Variants in EPHX2 observed in about 807,000 individuals in gnomAD.
EPHX2 encodes epoxide hydrolase 2.
In EPHX2, 74 loss-of-function variants were observed where a neutral mutation model predicts 78.7. The observed-to-expected ratio is 0.94, with a 90% CI of 0.78 to 1.14. The LOEUF (loss-of-function observed/expected upper bound fraction) is 1.14, where lower values mean the gene tolerates loss of function less well. Among genes scored for constraint, EPHX2 ranks in the 50% most tolerant of loss-of-function variants. EPHX2 has a pLI of 0.00. For missense variants in EPHX2, 715 were observed against 702.5 expected (o/e 1.02, Z -0.20); for synonymous variants, 251 against 255.2 (o/e 0.98, Z 0.16).
At chr8:27,525,107 T>TGTGTGTGTGCGCGCGCGC (rs1491544464) in intron 11 of EPHX2, among the ~76,000 whole-genome samples, 1 of 103,456 alleles carries the variant, frequency 9.7e-6, no homozygotes, top group African/African-American at 3.6e-5. Flanking sequence ...TGTGTGTGTG[T>TGTGTGTGTGCGCGCGCGC]GCGCGCGCGC....
intron 12 of EPHX2, among the ~76,000 whole-genome samples, chr8:27,533,804 G>C (rs554179091): frequency 1.1e-4 from 16 of 152,140 alleles, no homozygotes; most frequent in African/African-American, 3.4e-4. Context: ...TGTTCAGGCT[G>C]GTCTTGAACT....
intron 1 of EPHX2, among the ~76,000 whole-genome samples, chr8:27,494,077 G>A (rs1238477703): frequency 6.6e-6 from 1 of 152,188 alleles, no homozygotes; most frequent in Non-Finnish European, 1.5e-5. Context: ...GTTAAACAGG[G>A]AGGAGGTGAT....
At chr8:27,515,914 G>A in intron 7 of EPHX2, 101 bp downstream of exon 7, 3 of 995,448 alleles carry the variant, frequency 3.0e-6, no homozygotes, top group East Asian at 2.5e-5. Flanking sequence ...AAACCTGACA[G>A]TGGAGCATTG....
chr8:27,498,570 C>G (rs1813656884), intron 1 of EPHX2, among the ~76,000 whole-genome samples: 1 of 152,100 alleles, frequency 6.6e-6, no homozygotes. Context: ...CACCTAGTGT[C>G]TTGTAGTTAT....
At position 27,517,396 on chromosome 8, in the gene EPHX2, T is replaced by C. The variant is rs190940169; in HGVS notation, c.911-642T>C. On this transcript the variant is annotated intron_variant, in intron 8 of 18. Transcript: ENST00000521400. ...AAAATAGAGACAGCAATTCTACAGT[T>C]CTTATGGACCCACAAAAGACTGCAA... is the stretch of plus-strand genomic sequence containing the variant. Among the ~76,000 whole-genome samples the C allele has an allele frequency of 1.4e-4, 21 of 152,278 alleles. No individual in the cohort carries two copies. In the East Asian group the frequency reaches 3.7e-3, roughly 27 times the overall value.
intron 5 of EPHX2, 57 bp downstream of exon 5, chr8:27,507,051 C>T: frequency 1.3e-6 from 2 of 1,590,258 alleles, no homozygotes; most frequent in Non-Finnish European, 8.6e-7. Context: ...TTTCTGGACT[C>T]AGGAGAAAAC....
At chr8:27,527,027 G>A (rs1266668401) in intron 12 of EPHX2, among the ~76,000 whole-genome samples, 5 of 152,046 alleles carry the variant, frequency 3.3e-5, no homozygotes, top group Non-Finnish European at 7.4e-5. Context: ...TGCAACCTCC[G>A]CCTCCTAAGG....
At chr8:27,532,610 T>C (rs1245748438) in intron 12 of EPHX2, among the ~76,000 whole-genome samples, 1 of 152,144 alleles carries the variant, frequency 6.6e-6, no homozygotes, top group African/African-American at 2.4e-5. Flanking sequence ...TCCCAGCCCC[T>C]GGCCGTTGCT....
chr8:27,511,289 A>G (rs1814231965), intron 5 of EPHX2, among the ~76,000 whole-genome samples: 2 of 152,362 alleles, frequency 1.3e-5, no homozygotes, highest in South Asian at 2.1e-4. Context: ...TGAGCTTCGC[A>G]TGGTGTCCCA....
intron 12 of EPHX2, among the ~76,000 whole-genome samples, chr8:27,535,454 G>A (rs533715537): frequency 2.6e-5 from 4 of 152,200 alleles, no homozygotes; most frequent in East Asian, 1.9e-4. Context: ...GGATTACAGC[G>A]TGAACCACTG....
intron 12 of EPHX2, among the ~76,000 whole-genome samples, chr8:27,532,078 C>T (rs1279041880): frequency 1.3e-5 from 2 of 152,030 alleles, no homozygotes; most frequent in East Asian, 3.9e-4. Context: ...GTCCAGGGCA[C>T]CTTGGATCCT....
Position 27,544,677 on chromosome 8 carries a change from G to A in EPHX2, c.*155G>A. ...AAAAAAAAGATTTTCTTTACATAAA[G>A]TGAATCAAATTTGACATTATTTTAG... On this transcript the variant is annotated 3_prime_UTR_variant, in exon 19 of 19. Transcript: ENST00000521400. 1 of 714,674 alleles carries A rather than the reference G, an allele frequency of 1.4e-6. No homozygotes were observed. Among genetic ancestry groups the A allele is most frequent in the South Asian group, 1.8e-5 (1 of 54,682 alleles). 44.3% of individuals were successfully genotyped at this position (714,674 alleles called of 1,614,324 possible).
intron 17 of EPHX2, 136 bp from the exon 18 acceptor site, chr8:27,544,050 C>G: frequency 8.9e-7 from 1 of 1,123,760 alleles, no homozygotes. Context: ...TCATTATTCC[C>G]TTCCTAAATC....
In EPHX2 at chr8:27,538,674, C is replaced by T; in HGVS notation, c.1258C>T (p.His420Tyr). ...RASDESVLSM[H>Y]KVCEAGGLFV... is the part of the protein sequence containing the mutation. ...CTTCCTTCAGAGTGTTTTATCCATG[C>T]ATAAAGTCTGTGAAGCGGGTAAGAG... The change falls in exon 14 of 19, where the codon CAT becomes TAT. Residue 420 changes from histidine (H) to tyrosine (Y), a missense_variant. Coordinates refer to ENST00000521400, the MANE Select transcript of EPHX2 (RefSeq NM_001979.6). 6.2e-7 allele frequency: 1 copy of T among 1,613,826 alleles called. No homozygotes were observed. The highest frequency in any genetic ancestry group is 8.5e-7 in the Non-Finnish European group (1 of 1,179,756).
At chr8:27,512,065 T>A in intron 6 of EPHX2, 155 bp downstream of exon 6, 1 of 506,814 alleles carries the variant, frequency 2.0e-6, no homozygotes. Flanking sequence ...ACCACTGTGC[T>A]CCAGCCTGGG....
chr8:27,518,143 T>G, intron 9 of EPHX2, 71 bp downstream of exon 9: 1 of 1,340,512 alleles, frequency 7.5e-7, no homozygotes, highest in Non-Finnish European at 1.0e-6. Context: ...AGCTGGGGTA[T>G]CCATTCAAAT....
At chr8:27,516,478 C>T in intron 8 of EPHX2, 80 bp downstream of exon 8, 1 of 1,323,318 alleles carries the variant, frequency 7.6e-7, no homozygotes, top group Admixed American at 1.7e-5. Flanking sequence ...GGTGCTTTCC[C>T]TGGTCCCAGA....
chr8:27,530,067 C>CTTTTTTT (rs34619047), intron 12 of EPHX2, among the ~76,000 whole-genome samples: 1 of 144,838 alleles, frequency 6.9e-6, no homozygotes, highest in African/African-American at 2.5e-5. Context: ...GTCTCTCTCT[C>CTTTTTTT]TTTTTTTTTT....
intron 5 of EPHX2, 54 bp from the exon 6 acceptor site, chr8:27,511,782 T>C: frequency 6.3e-7 from 1 of 1,575,808 alleles, no homozygotes; most frequent in Non-Finnish European, 8.7e-7. Context: ...CAGGAGAGCC[T>C]CTCACGGAAG....
Sources: allele counts gnomAD v4.1 joint callset (sites outside exome capture counted in the v4.1 genomes callset), GRCh38; gene constraint gnomAD v4.1.1; transcripts MANE v1.5; gene names NCBI Gene and HGNC (gene_info 2026-07-23, HGNC 2026-07-21).